The following EVC variants were observed in gnomAD, a reference collection of about 807,000 sequenced individuals.
EVC encodes EvC ciliary complex subunit 1.
In EVC, 116 loss-of-function variants were observed where a neutral mutation model predicts 118.9. The ratio of observed to expected loss-of-function variants is 0.98; its 90% CI spans 0.84 to 1.14. The LOEUF (loss-of-function observed/expected upper bound fraction) is 1.14. Ranked by LOEUF, EVC falls within the 50% of genes most tolerant of loss-of-function variation. The probability of loss-of-function intolerance (pLI) is 0.00; values close to 1 mark genes in which losing one functional copy is unlikely to be tolerated. For synonymous variants in EVC, 619 were observed against 534.7 expected, an observed-to-expected ratio of 1.16 and a Z score of -2.18; for missense variants, 1,401 against 1,246.4, an observed-to-expected ratio of 1.12 and a Z score of -1.87.
intron 13 of EVC, 139 bp from the exon 14 acceptor site, chr4:5,796,883 G>A (rs1714058851): frequency 1.4e-6 from 1 of 740,086 alleles, no homozygotes; most frequent in African/African-American, 1.7e-5. Flanking sequence ...ATGCCTAAGA[G>A]GATGGCAGCA....
intron 14 of EVC, among the ~76,000 whole-genome samples, chr4:5,797,645 C>T (rs984070306): frequency 1.3e-5 from 2 of 152,236 alleles, no homozygotes; most frequent in East Asian, 1.9e-4. Context: ...GCACTATCCA[C>T]TTACTGACCT....
In EVC at chr4:5,714,500, T is replaced by C. The variant is rs1000859338; in HGVS notation, c.174+2946T>C. Among the ~76,000 whole-genome samples the C allele has an allele frequency of 3.3e-5, 5 of 149,774 alleles. No homozygotes were observed. In the South Asian group the frequency reaches 1.1e-3, roughly 32 times the overall value. On this transcript the variant is annotated intron_variant, in intron 1 of 20. Transcript: ENST00000264956. ...CCTATATTGCTGCTGCTTGCATTTT[T>C]TTTTTTTTTTTTTGGCTGCGTGCAA... is the stretch of plus-strand genomic sequence containing the variant.
At position 5,719,468 on chromosome 4, in the gene EVC, G is replaced by A; in HGVS notation, c.300+95G>A. ...GTGTCATGTAGACAAGCCTCTGACA[G>A]ATATAGTTTCCCAATGGGCTGCTTT... On this transcript the variant is annotated intron_variant, in intron 2 of 20. Coordinates refer to ENST00000264956, the MANE Select transcript of EVC (RefSeq NM_153717.3). The surrounding 1 kb of genome is among the most constrained non-coding windows in gnomAD (Gnocchi z 4.7). 6.3e-7 allele frequency: 1 copy of A among 1,584,658 alleles called. No individual in the cohort carries two copies. Among genetic ancestry groups the A allele is most frequent in the Non-Finnish European group, 8.6e-7 (1 of 1,156,352 alleles).
At position 5,738,880 on chromosome 4, in the gene EVC, T is replaced by A. The variant is rs945837217; in HGVS notation, c.703-2836T>A. The stretch of plus-strand genomic sequence containing the variant: ...CGCACCCAGCCCAACAACTTTTTTT[T>A]AATAATCATCTTAGGCTCAGATGAT... On this transcript the variant is annotated intron_variant, in intron 5 of 20. Transcript: ENST00000264956. This position sits in a 1 kb window ranked among gnomAD's most constrained non-coding sequence, Gnocchi z 6.5. Among the ~76,000 whole-genome samples, 6 of 152,178 alleles carry A rather than the reference T, an allele frequency of 3.9e-5. No homozygotes were observed. The highest frequency in any genetic ancestry group is 2.0e-4 in the Admixed American group (3 of 15,282).
chr4:5,726,235 A>C, intron 2 of EVC, among the ~76,000 whole-genome samples: 1 of 152,206 alleles, frequency 6.6e-6, no homozygotes, highest in East Asian at 1.9e-4. Context: ...ACACAGATGC[A>C]GTTTTCTTCC....
intron 12 of EVC, among the ~76,000 whole-genome samples, chr4:5,785,908 G>A (rs1736346935): frequency 6.6e-6 from 1 of 152,166 alleles, no homozygotes; most frequent in South Asian, 2.1e-4. Context: ...GGGGAGGGAG[G>A]AGGACCTGGG....
intron 5 of EVC, among the ~76,000 whole-genome samples, chr4:5,740,798 A>C (rs1728437463): frequency 6.6e-6 from 1 of 152,232 alleles, no homozygotes; most frequent in African/African-American, 2.4e-5. Flanking sequence ...ATATTTCACC[A>C]AAAAGGATAT....
intron 8 of EVC, among the ~76,000 whole-genome samples, chr4:5,751,833 G>T (rs1306430500): frequency 6.6e-6 from 1 of 152,210 alleles, no homozygotes; most frequent in Non-Finnish European, 1.5e-5. Context: ...AGAGGAGGCA[G>T]TGAGGGTGTT....
chr4:5,807,850 G>A (rs941962441), intron 17 of EVC, among the ~76,000 whole-genome samples: 2 of 152,162 alleles, frequency 1.3e-5, no homozygotes, highest in African/African-American at 4.8e-5. Flanking sequence ...CTTCTGCTCC[G>A]CCACTTCACA....
Position 5,749,946 on chromosome 4 carries a change from T to A in EVC, c.1098+1640T>A, listed in dbSNP as rs955289299. Among the ~76,000 whole-genome samples, 1 of 152,196 alleles carries A rather than the reference T, an allele frequency of 6.6e-6. No individual in the cohort carries two copies. The highest frequency in any genetic ancestry group is 1.5e-5 in the Non-Finnish European group (1 of 68,040). Reference sequence around the variant, plus strand: ...GGGAGCTGGTTAGAGTGCAGAATCCTGTCCTCCACCCTTCCCAAGCAGGAT... The same window carrying A: ...GGGAGCTGGTTAGAGTGCAGAATCCAGTCCTCCACCCTTCCCAAGCAGGAT... On this transcript the variant is annotated intron_variant, in intron 8 of 20. Coordinates refer to ENST00000264956, the MANE Select transcript of EVC (RefSeq NM_153717.3). The surrounding 1 kb of genome is among the most constrained non-coding windows in gnomAD (Gnocchi z 4.4).
At chr4:5,799,484 A>G (rs898663090) in intron 15 of EVC, among the ~76,000 whole-genome samples, 3 of 152,194 alleles carry the variant, frequency 2.0e-5, no homozygotes, top group African/African-American at 7.2e-5. Context: ...CCAGCCTCCA[A>G]CCTAGTGAGT....
chr4:5,781,410 C>G (rs915986102), intron 11 of EVC, among the ~76,000 whole-genome samples: 1 of 151,958 alleles, frequency 6.6e-6, no homozygotes, highest in East Asian at 1.9e-4. Flanking sequence ...GGTGGGAGCT[C>G]GGGGTCAGAA....
At chr4:5,748,059 G>A in intron 7 of EVC, 89 bp from the exon 8 acceptor site, 2 of 1,348,028 alleles carry the variant, frequency 1.5e-6, no homozygotes, top group Admixed American at 1.7e-5. Context: ...TTGTGATAGG[G>A]AGTGAATTGT....
intron 1 of EVC, among the ~76,000 whole-genome samples, chr4:5,711,797 G>T (rs2151772186): frequency 6.6e-6 from 1 of 152,316 alleles, no homozygotes; most frequent in African/African-American, 2.4e-5. Context: ...ATCCTTGACA[G>T]CAGCCCAACT....
chr4:5,794,095 C>CAATT (rs935328969), intron 13 of EVC, among the ~76,000 whole-genome samples: 2 of 151,570 alleles, frequency 1.3e-5, no homozygotes, highest in Non-Finnish European at 2.9e-5. Context: ...TTCTTGTGCC[C>CAATT]AATTGCAGCC....
Position 5,755,351 on chromosome 4 carries a change from C to T in EVC, c.1465-913C>T, listed in dbSNP as rs1471847392. Reference sequence around the variant, plus strand: ...GCGCTGGCGTTCAGGACACGTGGGACGCAGGCAGGGAAGGGTGAATGAGCG... The same window carrying T: ...GCGCTGGCGTTCAGGACACGTGGGATGCAGGCAGGGAAGGGTGAATGAGCG... On this transcript the variant is annotated intron_variant, in intron 10 of 20. Transcript: ENST00000264956. The surrounding 1 kb of genome is among the most constrained non-coding windows in gnomAD (Gnocchi z 4.1). Among the ~76,000 whole-genome samples, 3 of 152,146 alleles carry T rather than the reference C, an allele frequency of 2.0e-5. No homozygotes were observed. The highest frequency in any genetic ancestry group is 1.9e-4 in the East Asian group (1 of 5,156).
In EVC at chr4:5,810,976, A is replaced by G; in HGVS notation, c.2918A>G (p.Glu973Gly). The change falls in exon 21 of 21, where the codon GAA becomes GGA. Residue 973 changes from glutamate to glycine, a missense_variant. Transcript: ENST00000264956. The part of the protein sequence containing the change: ...SLSSKRLSQQ[E>G]SEAGDSGNSK... ...AGCAGCAAAAGGCTGAGTCAGCAAG[A>G]AAGTGAAGCTGGGGACAGTGGGAAC... is the stretch of plus-strand genomic sequence containing the variant. The G allele has an allele frequency of 6.2e-7, 1 of 1,613,118 alleles. No individual in the cohort carries two copies. Among genetic ancestry groups the G allele is most frequent in the Non-Finnish European group, 8.5e-7 (1 of 1,179,466 alleles).
chr4:5,802,325 C>T (rs756626657), intron 16 of EVC, among the ~76,000 whole-genome samples: 3 of 152,180 alleles, frequency 2.0e-5, no homozygotes, highest in Non-Finnish European at 4.4e-5. Flanking sequence ...TTAAGTCGGT[C>T]ACTCAGGACA....
intron 12 of EVC, among the ~76,000 whole-genome samples, chr4:5,784,606 A>ATTT (rs35237111): frequency 1.1e-4 from 12 of 111,176 alleles, no homozygotes; most frequent in South Asian, 6.0e-4. Flanking sequence ...ATACACATTG[A>ATTT]TTTTTTTTTT....
Sources: gnomAD v4.1 joint callset for allele counts (sites outside exome capture counted in the v4.1 genomes callset) on GRCh38, gnomAD v4.1.1 for gene constraint, Gnocchi (gnomAD v3.1) non-coding constraint, MANE v1.5 for transcripts, NCBI Gene and HGNC (gene_info 2026-07-23, HGNC 2026-07-21) for gene names.